The following ZHX2 variants were observed in gnomAD, a reference collection of about 807,000 sequenced individuals.
The protein encoded by ZHX2 is zinc fingers and homeoboxes 2.
Under a neutral mutation model 21.9 loss-of-function variants are expected in ZHX2, and 6 were observed. That is an observed-to-expected ratio of 0.27 (90% confidence interval 0.15 to 0.54). The LOEUF is 0.54. ZHX2 is among the 20% of genes least tolerant of loss of function. ZHX2 has a pLI of 0.95. For synonymous variants in ZHX2, 434 were observed against 437.1 expected, an observed-to-expected ratio of 0.99 and a Z score of 0.09; for missense variants, 908 against 1,090.7, an observed-to-expected ratio of 0.83 and a Z score of 2.36.
At chr8:122,940,107 TG>T (rs1397961727) in intron 2 of ZHX2, among the ~76,000 whole-genome samples, 27 of 152,152 alleles carry the variant, frequency 1.8e-4, no homozygotes, top group Admixed American at 1.8e-3. Context: ...CATGTGGGTT[TG>T]GGGGTTGTGA....
chr8:122,927,987 C>T (rs1820898066), intron 2 of ZHX2, among the ~76,000 whole-genome samples: 1 of 152,172 alleles, frequency 6.6e-6, no homozygotes, highest in South Asian at 2.1e-4. Context: ...ATAAACACTA[C>T]TGAGGTCCTG....
chr8:122,793,339 G>A (rs902052545), intron 1 of ZHX2, among the ~76,000 whole-genome samples: 3 of 152,202 alleles, frequency 2.0e-5, no homozygotes, highest in Non-Finnish European at 2.9e-5. Flanking sequence ...GCCCTCTTCA[G>A]CCCCACTGAT....
chr8:122,829,627 G>A (rs1032784887), intron 1 of ZHX2, among the ~76,000 whole-genome samples: 4 of 152,196 alleles, frequency 2.6e-5, no homozygotes, highest in Admixed American at 1.3e-4. Context: ...ATGAAAGATT[G>A]GTCCCACCTT....
intron 1 of ZHX2, among the ~76,000 whole-genome samples, chr8:122,838,323 C>G (rs1329671121): frequency 6.6e-6 from 1 of 152,048 alleles, no homozygotes; most frequent in East Asian, 1.9e-4. Flanking sequence ...CCTCACATGC[C>G]CTTTGTCTAT....
At chr8:122,876,963 A>G (rs1422655379) in intron 2 of ZHX2, among the ~76,000 whole-genome samples, 2 of 152,138 alleles carry the variant, frequency 1.3e-5, no homozygotes, top group Non-Finnish European at 2.9e-5. Flanking sequence ...CATACAGGCT[A>G]CTCTATGGTA....
At position 122,953,653 on chromosome 8, in the gene ZHX2, C is replaced by T. The variant is rs74549937; in HGVS notation, c.2143C>T (p.Pro715Ser). Residue 715 changes from proline to serine, a missense_variant, in exon 3 of 4, where the codon CCC becomes TCC. Physicochemically the swap from Pro to Ser is moderately conservative, Grantham distance 74. Around this residue, in one of 4 missense-constraint regions of ZHX2, gnomAD observed 431 missense variants for 428.6 expected, o/e 1.01. Transcript: ENST00000314393. The surrounding 1 kb of genome is among the most constrained non-coding windows in gnomAD (Gnocchi z 4.6). ...YDAVARKATK[P>S]MAESPKNGGD... ...TGCCGTAGCAAGGAAAGCAACAAAA[C>T]CCATGGCCGAGAGCCCAAAGAACGG... 1,704 of 1,614,242 alleles carry T rather than the reference C, an allele frequency of 1.1e-3. 12 individuals carry two copies. The African/African-American group carries it at 0.021, about 19-fold the overall frequency.
chr8:122,930,608 G>T (rs567432845), intron 2 of ZHX2, among the ~76,000 whole-genome samples: 7 of 150,654 alleles, frequency 4.6e-5, no homozygotes, highest in Non-Finnish European at 1.0e-4. Flanking sequence ...AATAGATGGG[G>T]TTACAGGCAC....
chr8:122,799,394 A>T (rs1817674051), intron 1 of ZHX2, among the ~76,000 whole-genome samples: 1 of 130,812 alleles, frequency 7.6e-6, no homozygotes, highest in Non-Finnish European at 1.8e-5. Flanking sequence ...CTTGTGCGCC[A>T]CAATTTTTTT....
In ZHX2 at chr8:122,870,910, G is replaced by T. The variant is rs185907280; in HGVS notation, c.-220+7371G>T. Among the ~76,000 whole-genome samples, 37 of 152,284 alleles carry T rather than the reference G, an allele frequency of 2.4e-4. No homozygotes were observed. In the East Asian group the frequency reaches 3.9e-3, roughly 16 times the overall value. On this transcript the variant is annotated intron_variant, in intron 2 of 3. Coordinates refer to ENST00000314393, the MANE Select transcript of ZHX2 (RefSeq NM_014943.5). ...AGGACAGGTCCAGAGTGAGCCTCAG[G>T]TTCCTGGCTTGAGAATCTAAGAGAC... is the stretch of plus-strand genomic sequence containing the variant.
At chr8:122,916,113 G>GCTC (rs1400001653) in intron 2 of ZHX2, among the ~76,000 whole-genome samples, 1 of 152,220 alleles carries the variant, frequency 6.6e-6, no homozygotes, top group African/African-American at 2.4e-5. Flanking sequence ...GCAGGTGTTG[G>GCTC]CTCCTCCGTG....
intron 2 of ZHX2, among the ~76,000 whole-genome samples, chr8:122,931,303 T>G (rs1165095952): frequency 6.6e-6 from 1 of 152,098 alleles, no homozygotes; most frequent in Non-Finnish European, 1.5e-5. Flanking sequence ...GGGCCAGAGT[T>G]TGTGCGGTAG....
At chr8:122,944,486 T>C (rs558905865) in intron 2 of ZHX2, among the ~76,000 whole-genome samples, 1 of 152,172 alleles carries the variant, frequency 6.6e-6, no homozygotes, top group African/African-American at 2.4e-5. Flanking sequence ...TTCTCCTTCT[T>C]GTATTTGCAA....
rs575065201 is a variant in ZHX2, at chr8:122,928,017, G to A, written c.-219-23275G>A. Among the ~76,000 whole-genome samples, 12 of 152,106 alleles carry A rather than the reference G, an allele frequency of 7.9e-5. No individual in the cohort carries two copies. In the South Asian group the frequency reaches 2.1e-3, roughly 26 times the overall value. On this transcript the variant is annotated intron_variant, in intron 2 of 3. Coordinates refer to ENST00000314393, the MANE Select transcript of ZHX2 (RefSeq NM_014943.5). ...GTCCTGCTTCCCCTCTCCTCTCCCC[G>A]CTTTCGTAAAGTCCCATACTACCCC...
rs1412046541 is a variant in ZHX2 at position 122,881,789 on chromosome 8, AGCT to A, written c.-220+18251_-220+18253del. Among the ~76,000 whole-genome samples, 27 of 152,114 alleles carry A rather than the reference AGCT, an allele frequency of 1.8e-4. 1 individual carries two copies. The highest frequency in any genetic ancestry group is 1.8e-3 in the Admixed American group (27 of 15,262). On this transcript the variant is annotated intron_variant, in intron 2 of 3. Coordinates refer to ENST00000314393, the MANE Select transcript of ZHX2 (RefSeq NM_014943.5). ...GATCCATACCCTTTCTGCTTTTCCA[AGCT>A]ACTTGACTTTCTGAGAAGGGGCTTC... is the stretch of plus-strand genomic sequence containing the variant.
At chr8:122,840,260 C>T (rs1818596016) in intron 1 of ZHX2, among the ~76,000 whole-genome samples, 1 of 152,186 alleles carries the variant, frequency 6.6e-6, no homozygotes, top group African/African-American at 2.4e-5. Context: ...AAGTCCTTTA[C>T]TCTTCCCACA....
intron 1 of ZHX2, among the ~76,000 whole-genome samples, chr8:122,843,959 TCACACACACACACACA>T (rs3221811): frequency 1.3e-5 from 2 of 148,820 alleles, no homozygotes; most frequent in Non-Finnish European, 3.0e-5. Flanking sequence ...TTCTCACCCT[TCACACACACACACACA>T]CACACACACA....
rs116865207 is a variant in ZHX2 at position 122,854,579 on chromosome 8, C to T, written c.-282-8898C>T. Among the ~76,000 whole-genome samples, 4 of 152,344 alleles carry T rather than the reference C, an allele frequency of 2.6e-5. No homozygotes were observed. The East Asian group carries it at 7.7e-4, about 29-fold the overall frequency. ...CTCCTTCCACCCTGACTGTGCTCCT[C>T]ACCTGTGGGACATGAAGGTCAGCCA... On this transcript the variant is annotated intron_variant, in intron 1 of 3. Coordinates refer to ENST00000314393, the MANE Select transcript of ZHX2 (RefSeq NM_014943.5).
chr8:122,836,483 C>G (rs574796792), intron 1 of ZHX2, among the ~76,000 whole-genome samples: 119 of 152,216 alleles, frequency 7.8e-4, no homozygotes, highest in Non-Finnish European at 1.1e-3. Flanking sequence ...GGTTCGAACC[C>G]GGAGAGCGCG....
At chr8:122,811,216 C>CA (rs1002079236) in intron 1 of ZHX2, among the ~76,000 whole-genome samples, 10 of 151,646 alleles carry the variant, frequency 6.6e-5, no homozygotes, top group African/African-American at 4.8e-5. Flanking sequence ...CCTATCACTA[C>CA]AAAAAAATAC....
Sources: gnomAD v4.1 joint callset for allele counts (sites outside exome capture counted in the v4.1 genomes callset) on GRCh38, gnomAD v4.1.1 for gene constraint, gnomAD v4.1.1 regional missense constraint, Gnocchi (gnomAD v3.1) non-coding constraint, MANE v1.5 for transcripts, NCBI Gene and HGNC (gene_info 2026-07-23, HGNC 2026-07-21) for gene names.